The following LRP5 variants were observed in gnomAD, a reference collection of about 807,000 sequenced individuals.
The protein encoded by LRP5 is LDL receptor related protein 5.
Under a neutral mutation model 154.1 loss-of-function variants are expected in LRP5, and 62 were observed. The ratio of observed to expected loss-of-function variants is 0.40; its 90% CI spans 0.33 to 0.50. The LOEUF (loss-of-function observed/expected upper bound fraction) is 0.50. LRP5 is among the 20% of genes least tolerant of loss of function. The pLI is 0.55. For missense variants in LRP5, 1,915 were observed against 2,336.7 expected (o/e 0.82, Z 3.72); for synonymous variants, 966 against 1,011.5 (o/e 0.96, Z 0.85).
At chr11:68,405,113 G>A (rs1001794680) in intron 8 of LRP5, among the ~76,000 whole-genome samples, 1 of 151,428 alleles carries the variant, frequency 6.6e-6, no homozygotes, top group Non-Finnish European at 1.5e-5. Context: ...AGCCCGTATC[G>A]TACCACTGCC....
At chr11:68,438,902 C>A (rs1285487526) in intron 20 of LRP5, among the ~76,000 whole-genome samples, 1 of 152,246 alleles carries the variant, frequency 6.6e-6, no homozygotes, top group Non-Finnish European at 1.5e-5. Context: ...CCCTTTGGCA[C>A]TGTAGGTGTG....
chr11:68,334,221 A>G (rs1044281505), intron 1 of LRP5, among the ~76,000 whole-genome samples: 1 of 151,874 alleles, frequency 6.6e-6, no homozygotes, highest in African/African-American at 2.4e-5. Context: ...GCAACAGAGT[A>G]AGACTCCATC....
At chr11:68,396,676 G>A (rs2098649536) in intron 7 of LRP5, among the ~76,000 whole-genome samples, 2 of 152,188 alleles carry the variant, frequency 1.3e-5, no homozygotes, top group Admixed American at 6.5e-5. Flanking sequence ...GACTGTGACA[G>A]CTGTCCTGGG....
At chr11:68,298,510 T>C in the LRP5 span, among the ~76,000 whole-genome samples, 1 of 152,160 alleles carries the variant, frequency 6.6e-6, no homozygotes, top group Non-Finnish European at 1.5e-5. Context: ...CCCCCAAACA[T>C]TGAGCTCTCA....
chr11:68,342,434 G>A (rs904008905), intron 1 of LRP5, among the ~76,000 whole-genome samples: 1 of 152,162 alleles, frequency 6.6e-6, no homozygotes, highest in African/African-American at 2.4e-5. Flanking sequence ...GGGAGGAGGG[G>A]GAGCAGAAGA....
intron 5 of LRP5, among the ~76,000 whole-genome samples, chr11:68,369,383 G>C (rs778420984): frequency 6.6e-6 from 1 of 152,110 alleles, no homozygotes; most frequent in Non-Finnish European, 1.5e-5. Context: ...TGTCTGCCTT[G>C]GGAGAGCAAT....
rs987618936 is a variant in LRP5 at position 68,438,336 on chromosome 11, C to T, written c.4112-110C>T. ...CCAGCTCCCCCACTTTCTCCCCACC[C>T]TCCACCAGTGGCAAAGCCAGCCCCT... is the stretch of plus-strand genomic sequence containing the variant. On this transcript the variant is annotated intron_variant, in intron 19 of 22. Coordinates refer to ENST00000294304, the MANE Select transcript of LRP5 (RefSeq NM_002335.4). 1.3e-5 allele frequency: 14 copies of T among 1,068,412 alleles called. No individual in the cohort carries two copies. In the Admixed American group the frequency reaches 1.4e-4, roughly 10 times the overall value. The allele number at this position is 1,068,412 out of a possible 1,614,324, so 66.2% of individuals were successfully genotyped here. A position where few individuals can be genotyped will look rare whatever the true frequency, so the allele number is the denominator to read the frequency against.
chr11:68,443,489 CAAAAA>C (rs1171623131), intron 21 of LRP5, among the ~76,000 whole-genome samples: 1 of 21,972 alleles, frequency 4.6e-5, no homozygotes, highest in Admixed American at 5.8e-4. Flanking sequence ...GACTCTGTCT[CAAAAA>C]AAAAAAAAAA....
rs2153181374 is a variant in LRP5 at position 68,438,621 on chromosome 11, G to A, written c.4287G>A (p.Gly1429=). ...NGPFPHEYVS[G]TPHVPLNFIA... ...CCTTCCCGCACGAGTATGTCAGCGG[G>A]ACCCCGCACGTGCCCCTCAATTTCA... Residue 1429 remains glycine (G), a synonymous_variant, in exon 20 of 23, where the codon GGG becomes GGA. Coordinates refer to ENST00000294304, the MANE Select transcript of LRP5 (RefSeq NM_002335.4). The A allele has an allele frequency of 6.2e-7, 1 of 1,613,700 alleles. No individual in the cohort carries two copies. Among genetic ancestry groups the A allele is most frequent in the Non-Finnish European group, 8.5e-7 (1 of 1,179,950 alleles).
intron 2 of LRP5, among the ~76,000 whole-genome samples, chr11:68,350,082 T>A (rs2098616975): frequency 6.6e-6 from 1 of 152,156 alleles, no homozygotes; most frequent in Non-Finnish European, 1.5e-5. Flanking sequence ...GGCCTAGATC[T>A]TCTTTGCGCA....
chr11:68,360,508 C>G (rs2098626937), intron 3 of LRP5, among the ~76,000 whole-genome samples: 1 of 152,252 alleles, frequency 6.6e-6, no homozygotes, highest in East Asian at 1.9e-4. Context: ...CATGATGCAC[C>G]TGGGGCTATT....
At chr11:68,370,205 C>G (rs2098633260) in intron 5 of LRP5, among the ~76,000 whole-genome samples, 2 of 152,180 alleles carry the variant, frequency 1.3e-5, no homozygotes, top group African/African-American at 4.8e-5. Flanking sequence ...AGGGTTCTAA[C>G]AGCTGGGCCT....
chr11:68,399,092 G>T (rs996947748), intron 7 of LRP5, among the ~76,000 whole-genome samples: 1 of 152,142 alleles, frequency 6.6e-6, no homozygotes, highest in Admixed American at 6.5e-5. Context: ...AGGCTGAGGT[G>T]GGAGGATCGC....
At chr11:68,305,972 G>C in the LRP5 span, among the ~76,000 whole-genome samples, 1 of 152,216 alleles carries the variant, frequency 6.6e-6, no homozygotes, top group Admixed American at 6.5e-5. Context: ...TGTTGGCAGG[G>C]CTGTGCTCCG....
At chr11:68,374,508 C>A (rs2098636264) in intron 5 of LRP5, among the ~76,000 whole-genome samples, 2 of 152,068 alleles carry the variant, frequency 1.3e-5, no homozygotes, top group South Asian at 4.1e-4. Context: ...AGCCTGAGTG[C>A]TAACTTTATT....
chr11:68,317,207 G>C (rs184295990), intron 1 of LRP5, among the ~76,000 whole-genome samples: 90 of 152,306 alleles, frequency 5.9e-4, no homozygotes, highest in African/African-American at 2.1e-3. Flanking sequence ...CTGGAGAGCC[G>C]TGTGCCAGCC....
chr11:68,378,574 G>A (rs2098638678), intron 5 of LRP5, among the ~76,000 whole-genome samples: 1 of 151,968 alleles, frequency 6.6e-6, no homozygotes, highest in African/African-American at 2.4e-5. Context: ...CCATTCACCC[G>A]TGTTTCAGAG....
intron 1 of LRP5, among the ~76,000 whole-genome samples, chr11:68,347,468 C>G (rs888820673): frequency 5.3e-5 from 8 of 152,190 alleles, no homozygotes; most frequent in Non-Finnish European, 1.0e-4. Context: ...CTGTGTCAGG[C>G]CAACAAAGGG....
chr11:68,449,241 A>T lies in LRP5; in HGVS notation c.*171A>T, dbSNP rs2098683130. The T allele has an allele frequency of 4.3e-6, 2 of 468,080 alleles. No homozygotes were observed. Among genetic ancestry groups the T allele is most frequent in the African/African-American group, 4.0e-5 (2 of 50,380 alleles). The allele number at this position is 468,080 out of a possible 1,614,324, so 29.0% of individuals were successfully genotyped here. A position where few individuals can be genotyped will look rare whatever the true frequency, so the allele number is the denominator to read the frequency against. On this transcript the variant is annotated 3_prime_UTR_variant, in exon 23 of 23. Coordinates refer to ENST00000294304, the MANE Select transcript of LRP5 (RefSeq NM_002335.4). The stretch of plus-strand genomic sequence containing the variant: ...GGGCTGGGAGAACTTTGTACAGTGG[A>T]GAAATATTTATAAACTTAATTTTGT...
Sources: gnomAD v4.1 joint callset for allele counts (sites outside exome capture counted in the v4.1 genomes callset) on GRCh38, gnomAD v4.1.1 for gene constraint, MANE v1.5 for transcripts, NCBI Gene and HGNC (gene_info 2026-07-23, HGNC 2026-07-21) for gene names.